Variants in C20orf96 observed in about 807,000 individuals in gnomAD.
C20orf96 encodes uncharacterized protein C20orf96.
C20orf96 carries 57 observed loss-of-function variants against 52.6 expected under a neutral mutation model. The observed-to-expected ratio is 1.08, with a 90% CI of 0.88 to 1.35. The LOEUF is 1.35. Ranked by LOEUF, C20orf96 falls within the 40% of genes most tolerant of loss-of-function variation. The pLI is 0.00. For missense variants in C20orf96, 478 were observed against 443.6 expected, an observed-to-expected ratio of 1.08 and a Z score of -0.70; for synonymous variants, 168 against 157.2, an observed-to-expected ratio of 1.07 and a Z score of -0.51.
intron 10 of C20orf96, among the ~76,000 whole-genome samples, chr20:272,287 G>A (rs938088283): frequency 2.0e-5 from 3 of 151,926 alleles, no homozygotes; most frequent in Non-Finnish European, 2.9e-5. Context: ...CACTCATCTT[G>A]TCAATTGCCC....
At chr20:288,517 G>C (rs78532272) in intron 3 of C20orf96, among the ~76,000 whole-genome samples, 6,095 of 152,172 alleles carry the variant, frequency 0.04, 154 homozygotes, top group Middle Eastern at 0.058. Flanking sequence ...AAGATTTCAT[G>C]AAGTGTCATG....
At chr20:286,584 GAAAAGGAAAAGAAAAAGA>G (rs955521588) in intron 3 of C20orf96, among the ~76,000 whole-genome samples, 2 of 148,938 alleles carry the variant, frequency 1.3e-5, no homozygotes, top group African/African-American at 2.5e-5. Flanking sequence ...GAGGGGAGAG[GAAAAGGAAAAGAAAAAGA>G]AAAAGAAAAA....
At chr20:289,121 G>A (rs2012470126) in intron 3 of C20orf96, among the ~76,000 whole-genome samples, 1 of 152,072 alleles carries the variant, frequency 6.6e-6, no homozygotes, top group Non-Finnish European at 1.5e-5. Flanking sequence ...TTCCCTTGTG[G>A]TTAGCAGAGG....
At chr20:274,977 C>A (rs2011971943) in intron 10 of C20orf96, among the ~76,000 whole-genome samples, 1 of 152,140 alleles carries the variant, frequency 6.6e-6, no homozygotes, top group Non-Finnish European at 1.5e-5. Context: ...CGCCACCATG[C>A]CCAGCTAGTT....
At position 284,376 on chromosome 20, in the gene C20orf96, A is replaced by G. The variant is rs567817893; in HGVS notation, c.188-295T>C. Among the ~76,000 whole-genome samples, 30 of 152,350 alleles carry G rather than the reference A, an allele frequency of 2.0e-4. 1 individual carries two copies. In the South Asian group the frequency reaches 6.0e-3, roughly 31 times the overall value. On this transcript the variant is annotated intron_variant, in intron 3 of 10. Coordinates refer to ENST00000360321, the MANE Select transcript of C20orf96 (RefSeq NM_153269.3). ...ACCCCGCTCTCAAATGTCCAGTCAG[A>G]AAGAGAGTCGGGAACTCCCACTCCT...
At chr20:273,041 CT>C (rs2011889640) in intron 10 of C20orf96, among the ~76,000 whole-genome samples, 3 of 152,210 alleles carry the variant, frequency 2.0e-5, no homozygotes, top group Admixed American at 2.0e-4. Context: ...GTAGCACCAT[CT>C]TGGCTCACTA....
rs559449738 is a variant in C20orf96 at position 272,783 on chromosome 20, C to G, written c.1032-1516G>C. Among the ~76,000 whole-genome samples, 5 of 152,170 alleles carry G rather than the reference C, an allele frequency of 3.3e-5. No homozygotes were observed. In the South Asian group the frequency reaches 1.0e-3, roughly 31 times the overall value. ...GGAACCCAGGGGTTATTCTTGATAC[C>G]TCCCTTTCCTGTACTTCCCAAGTCA... On this transcript the variant is annotated intron_variant, in intron 10 of 10. Transcript: ENST00000360321.
chr20:285,545 C>G (rs2012361034), intron 3 of C20orf96, among the ~76,000 whole-genome samples: 1 of 152,078 alleles, frequency 6.6e-6, no homozygotes, highest in Non-Finnish European at 1.5e-5. Flanking sequence ...TCTTGTGATT[C>G]TAATTTTAAA....
chr20:290,682 ACTTC>A lies in C20orf96; in HGVS notation c.-76_-73del. On this transcript the variant is annotated 5_prime_UTR_variant, in exon 1 of 11. Transcript: ENST00000360321. ...CTGGTATAACTACTCGGCTTTTCCA[ACTTC>A]CTTGTCTCAGTGTAGATCGCGCGGT... 1.3e-6 allele frequency: 2 copies of A among 1,589,426 alleles called. No individual in the cohort carries two copies. Among genetic ancestry groups the A allele is most frequent in the South Asian group, 2.2e-5 (2 of 90,024 alleles).
chr20:289,219 C>T (rs1460149918), intron 3 of C20orf96, among the ~76,000 whole-genome samples: 1 of 150,774 alleles, frequency 6.6e-6, no homozygotes, highest in Non-Finnish European at 1.5e-5. Context: ...AAAATGCCCA[C>T]ATAATTGTCC....
In C20orf96 at chr20:283,956, C is replaced by T. The variant is rs2012315612; in HGVS notation, c.306+7G>A. On this transcript the variant is annotated splice_region_variant and intron_variant, in intron 4 of 10. Coordinates refer to ENST00000360321, the MANE Select transcript of C20orf96 (RefSeq NM_153269.3). The stretch of plus-strand genomic sequence containing the variant: ...GGCCCAGTGTCCAGGGAAGATGTGC[C>T]TCATACCTTCATTAACCAGATTTTG... The T allele has an allele frequency of 1.9e-6, 3 of 1,593,082 alleles. No individual in the cohort carries two copies. The highest frequency in any genetic ancestry group is 1.3e-5 in the African/African-American group (1 of 74,496).
At chr20:288,850 T>C (rs557046412) in intron 3 of C20orf96, among the ~76,000 whole-genome samples, 111 of 152,212 alleles carry the variant, frequency 7.3e-4, no homozygotes, top group Non-Finnish European at 1.3e-3. Context: ...AAATATTTGT[T>C]ATTAATTCTC....
intron 10 of C20orf96, among the ~76,000 whole-genome samples, 177 bp from the exon 11 acceptor site, chr20:271,444 ACAC>A (rs1568488400): frequency 2.1e-3 from 101 of 49,138 alleles, no homozygotes; most frequent in African/African-American, 0.02. Flanking sequence ...ACACAAGCAT[ACAC>A]ACACACACAC....
intron 10 of C20orf96, among the ~76,000 whole-genome samples, chr20:275,378 G>T (rs898363853): frequency 6.6e-6 from 1 of 151,818 alleles, no homozygotes; most frequent in Non-Finnish European, 1.5e-5. Context: ...AGAGGAGAAG[G>T]AAGGAAAACG....
intron 3 of C20orf96, among the ~76,000 whole-genome samples, chr20:287,837 A>T (rs13040528): frequency 0.24 from 35,702 of 145,944 alleles, 5,399 homozygotes; most frequent in East Asian, 0.39. Context: ...TGAACCCGGG[A>T]GACAGAGTTT....
Position 271,879 on chromosome 20 carries a change from G to A in C20orf96, c.1032-612C>T, listed in dbSNP as rs966409166. 1.1e-4 allele frequency among the ~76,000 whole-genome samples: 16 copies of A among 152,284 alleles called. 1 individual carries two copies. The South Asian group carries it at 3.1e-3, about 30-fold the overall frequency. ...TATTATTTCCATGAAAGTAGCAAGA[G>A]AGATGGATTCCCATCAGCAATATAT... On this transcript the variant is annotated intron_variant, in intron 10 of 10. Transcript: ENST00000360321.
chr20:278,341 C>T lies in C20orf96; in HGVS notation c.554G>A (p.Cys185Tyr). The T allele has an allele frequency of 6.2e-7, 1 of 1,613,644 alleles. No individual in the cohort carries two copies. The highest frequency in any genetic ancestry group is 1.1e-5 in the South Asian group (1 of 91,070). Reference protein sequence around the residue: ...ELQEWEEKKKCKMSYLEQQAE... With the variant: ...ELQEWEEKKKYKMSYLEQQAE... ...CCAGGGATTCTTACAGCTCATCTTG[C>T]ATTTCTTCTTTTCTTCCCACTCCTG... The change falls in exon 6 of 11, where the codon TGC becomes TAC. Residue 185 changes from cysteine (C) to tyrosine (Y), a missense_variant. Cys to Tyr is a radical substitution (Grantham distance 194). Coordinates refer to ENST00000360321, the MANE Select transcript of C20orf96 (RefSeq NM_153269.3).
At chr20:280,454 C>T (rs1043684952) in intron 4 of C20orf96, among the ~76,000 whole-genome samples, 3 of 152,254 alleles carry the variant, frequency 2.0e-5, no homozygotes, top group Non-Finnish European at 4.4e-5. Flanking sequence ...GGTGCTGTGC[C>T]TTGCTCTGCA....
At chr20:276,675 C>A in intron 9 of C20orf96, 118 bp downstream of exon 9, 1 of 1,501,662 alleles carries the variant, frequency 6.7e-7, no homozygotes, top group South Asian at 1.3e-5. Flanking sequence ...AGGCCAACAC[C>A]AGAGTCAGAG....
Sources: allele counts gnomAD v4.1 joint callset (sites outside exome capture counted in the v4.1 genomes callset), GRCh38; gene constraint gnomAD v4.1.1; transcripts MANE v1.5; gene names NCBI Gene and HGNC (gene_info 2026-07-23, HGNC 2026-07-21).